The following TESK2 variants were observed in gnomAD, a reference collection of about 807,000 sequenced individuals.
The protein encoded by TESK2 is dual specificity testis-specific protein kinase 2.
A neutral mutation model predicts 57.1 loss-of-function variants in TESK2; 39 were observed. The ratio of observed to expected loss-of-function variants is 0.68; its 90% CI spans 0.53 to 0.89. TESK2 has a LOEUF of 0.89. TESK2 is among the 40% of genes least tolerant of loss of function. TESK2 has a pLI of 0.00. For synonymous variants in TESK2, 249 were observed against 267.9 expected, an observed-to-expected ratio of 0.93 and a Z score of 0.69; for missense variants, 646 against 732.1, an observed-to-expected ratio of 0.88 and a Z score of 1.36.
chr1:45,432,273 G>A (rs781270695), intron 2 of TESK2, among the ~76,000 whole-genome samples: 12 of 151,944 alleles, frequency 7.9e-5, no homozygotes, highest in Non-Finnish European at 1.5e-4. Flanking sequence ...GGCATTAAGG[G>A]ATCCTCCTGC....
intron 1 of TESK2, among the ~76,000 whole-genome samples, chr1:45,487,120 C>T (rs1034229091): frequency 6.6e-6 from 1 of 152,078 alleles, no homozygotes; most frequent in Non-Finnish European, 1.5e-5. Flanking sequence ...TGAGCAACCG[C>T]ACCCAGCCAG....
chr1:45,445,524 C>T (rs1288100241), intron 2 of TESK2, among the ~76,000 whole-genome samples: 1 of 151,154 alleles, frequency 6.6e-6, no homozygotes, highest in African/African-American at 2.4e-5. Context: ...CAGTGGCTCA[C>T]ACTTGTAATC....
intron 4 of TESK2, among the ~76,000 whole-genome samples, chr1:45,357,405 T>C (rs1647478027): frequency 6.6e-6 from 1 of 151,874 alleles, no homozygotes; most frequent in South Asian, 2.1e-4. Context: ...ATTGGCAACC[T>C]TGGACAGAGC....
intron 1 of TESK2, among the ~76,000 whole-genome samples, chr1:45,460,813 T>G (rs895644613): frequency 6.6e-6 from 1 of 152,164 alleles, no homozygotes; most frequent in Non-Finnish European, 1.5e-5. Flanking sequence ...TTAGAGCCAG[T>G]AGAAAACATC....
intron 1 of TESK2, among the ~76,000 whole-genome samples, chr1:45,466,608 C>T (rs1443847730): frequency 6.6e-6 from 1 of 151,394 alleles, no homozygotes; most frequent in African/African-American, 2.4e-5. Flanking sequence ...CATGACCACA[C>T]CACTGCACTC....
chr1:45,451,749 G>C (rs1366212643), intron 2 of TESK2, among the ~76,000 whole-genome samples: 2 of 151,984 alleles, frequency 1.3e-5, no homozygotes, highest in Non-Finnish European at 2.9e-5. Context: ...ATCTTTATTT[G>C]GTGGCTGGGA....
chr1:45,459,544 A>C (rs1014907367), intron 1 of TESK2, among the ~76,000 whole-genome samples: 3 of 152,214 alleles, frequency 2.0e-5, no homozygotes, highest in Non-Finnish European at 4.4e-5. Flanking sequence ...ATCCACAAGA[A>C]CAAAAATTTA....
intron 4 of TESK2, among the ~76,000 whole-genome samples, chr1:45,359,799 G>A (rs1471651450): frequency 1.3e-5 from 2 of 152,170 alleles, no homozygotes; most frequent in Non-Finnish European, 2.9e-5. Flanking sequence ...TGGAGGCAGA[G>A]GTTGCGGTGG....
intron 4 of TESK2, among the ~76,000 whole-genome samples, chr1:45,376,796 A>T (rs920684044): frequency 6.6e-6 from 1 of 152,190 alleles, no homozygotes; most frequent in African/African-American, 2.4e-5. Flanking sequence ...GACCCATGTA[A>T]CTAAGGGAGG....
At chr1:45,481,386 G>T (rs1256382386) in intron 1 of TESK2, among the ~76,000 whole-genome samples, 1 of 152,044 alleles carries the variant, frequency 6.6e-6, no homozygotes, top group East Asian at 1.9e-4. Context: ...AAGCAAGATT[G>T]GGGGTGGGAA....
intron 3 of TESK2, among the ~76,000 whole-genome samples, chr1:45,394,708 T>TTTC (rs1553149041): frequency 7.0e-6 from 1 of 142,408 alleles, no homozygotes; most frequent in African/African-American, 2.6e-5. Context: ...TTTTTTTTTT[T>TTTC]AAAGACAGAG....
At chr1:45,460,778 T>C (rs1370508779) in intron 1 of TESK2, among the ~76,000 whole-genome samples, 1 of 152,062 alleles carries the variant, frequency 6.6e-6, no homozygotes, top group Non-Finnish European at 1.5e-5. Context: ...ATAATAATAA[T>C]TTTAAAAACC....
At chr1:45,488,698 G>C (rs531433394) in intron 1 of TESK2, among the ~76,000 whole-genome samples, 1 of 152,180 alleles carries the variant, frequency 6.6e-6, no homozygotes, top group Non-Finnish European at 1.5e-5. Flanking sequence ...TCTCAATAAA[G>C]ATGAGTTTCA....
intron 4 of TESK2, among the ~76,000 whole-genome samples, chr1:45,377,123 GA>G (rs1648461311): frequency 6.6e-6 from 1 of 152,056 alleles, no homozygotes; most frequent in Non-Finnish European, 1.5e-5. Context: ...GGGAGGCTGA[GA>G]CAGGAGGATC....
intron 3 of TESK2, among the ~76,000 whole-genome samples, chr1:45,396,802 G>GTTGTTTT (rs1557556860): frequency 1.7e-5 from 2 of 116,868 alleles, no homozygotes. Context: ...TATCAGCTAA[G>GTTGTTTT]TTGTTTTTTT....
intron 1 of TESK2, among the ~76,000 whole-genome samples, chr1:45,470,622 C>T (rs1483350598): frequency 6.6e-6 from 1 of 152,182 alleles, no homozygotes; most frequent in Non-Finnish European, 1.5e-5. Context: ...CCACCAGGCC[C>T]TAAGCCATGA....
At chr1:45,358,868 C>A (rs1647558473) in intron 4 of TESK2, among the ~76,000 whole-genome samples, 1 of 152,210 alleles carries the variant, frequency 6.6e-6, no homozygotes, top group South Asian at 2.1e-4. Flanking sequence ...AGTCCATACT[C>A]TTTACCACTA....
chr1:45,365,956 G>A (rs1042894362), intron 4 of TESK2, among the ~76,000 whole-genome samples: 5 of 152,120 alleles, frequency 3.3e-5, no homozygotes, highest in Admixed American at 3.3e-4. Context: ...TTACAGGCAT[G>A]AGCCACTGCA....
At chr1:45,475,369 G>A (rs1652945706) in intron 1 of TESK2, among the ~76,000 whole-genome samples, 1 of 151,884 alleles carries the variant, frequency 6.6e-6, no homozygotes, top group African/African-American at 2.4e-5. Context: ...ACCACGCCTG[G>A]CTAATTTTTG....
Sources: allele counts gnomAD v4.1 joint callset (sites outside exome capture counted in the v4.1 genomes callset), GRCh38; gene constraint gnomAD v4.1.1; transcripts MANE v1.5; gene names NCBI Gene and HGNC (gene_info 2026-07-23, HGNC 2026-07-21).